Variants in FSTL5 observed in about 807,000 individuals in gnomAD.
FSTL5 encodes follistatin like 5.
FSTL5 carries 62 observed loss-of-function variants against 89.1 expected under a neutral mutation model. The ratio of observed to expected loss-of-function variants is 0.70; its 90% CI spans 0.57 to 0.86. FSTL5 has a LOEUF of 0.86. FSTL5 is among the 40% of genes least tolerant of loss of function. The probability of loss-of-function intolerance (pLI) is 0.00; values close to 1 mark genes in which losing one functional copy is unlikely to be tolerated. For synonymous variants in FSTL5, 383 were observed against 346.2 expected (o/e 1.11, Z -1.18); for missense variants, 1,057 against 1,001.6 (o/e 1.06, Z -0.75).
At chr4:161,572,317 CTA>C (rs1491473577) in intron 8 of FSTL5, among the ~76,000 whole-genome samples, 151 of 54,238 alleles carry the variant, frequency 2.8e-3, no homozygotes, top group Admixed American at 4.6e-3. Flanking sequence ...GAGACTCCGT[CTA>C]AAAAAAAAAA....
At chr4:161,498,081 TATATAC>T (rs113569112) in intron 12 of FSTL5, among the ~76,000 whole-genome samples, 2,562 of 151,836 alleles carry the variant, frequency 0.017, 65 homozygotes, top group African/African-American at 0.058. Context: ...TATGTATGTA[TATATAC>T]ATATACATAT....
intron 4 of FSTL5, among the ~76,000 whole-genome samples, chr4:161,783,931 A>AATT (rs551211944): frequency 0.022 from 3,212 of 147,238 alleles, 63 homozygotes; most frequent in Non-Finnish European, 0.032. Flanking sequence ...ATGCCTGGCT[A>AATT]ATTATTATTA....
At chr4:161,431,265 T>C (rs1732356825) in intron 15 of FSTL5, among the ~76,000 whole-genome samples, 1 of 151,944 alleles carries the variant, frequency 6.6e-6, no homozygotes, top group Non-Finnish European at 1.5e-5. Context: ...CATAGTACAA[T>C]GAGATATAAA....
At chr4:161,980,794 A>G (rs1427008728) in intron 3 of FSTL5, among the ~76,000 whole-genome samples, 2 of 39,316 alleles carry the variant, frequency 5.1e-5, no homozygotes, top group African/African-American at 1.4e-4. Context: ...TTTTTTTTTT[A>G]GAGACAGAGT....
At chr4:161,728,881 G>A (rs1739509312) in intron 6 of FSTL5, among the ~76,000 whole-genome samples, 1 of 152,134 alleles carries the variant, frequency 6.6e-6, no homozygotes, top group African/African-American at 2.4e-5. Flanking sequence ...GTGAGATGAT[G>A]AAAGATGCCG....
At chr4:161,616,870 A>C (rs1344249185) in intron 7 of FSTL5, among the ~76,000 whole-genome samples, 5 of 151,532 alleles carry the variant, frequency 3.3e-5, no homozygotes, top group Non-Finnish European at 7.4e-5. Context: ...ATTAAATAAA[A>C]TAAAAAAACA....
Position 161,782,444 on chromosome 4 carries a change from G to T in FSTL5, c.410-6370C>A, listed in dbSNP as rs186672447. On this transcript the variant is annotated intron_variant, in intron 4 of 15. Coordinates refer to ENST00000306100, the MANE Select transcript of FSTL5 (RefSeq NM_020116.5). The stretch of plus-strand genomic sequence containing the variant: ...TTGAGTTTTCATCAGTCTAATAATT[G>T]TGTAGTGGTAGTTCCTTCTGTTTTA... Among the ~76,000 whole-genome samples, 15 of 152,220 alleles carry T rather than the reference G, an allele frequency of 9.9e-5. No individual in the cohort carries two copies. In the East Asian group the frequency reaches 2.7e-3, roughly 27 times the overall value.
intron 4 of FSTL5, among the ~76,000 whole-genome samples, chr4:161,860,432 A>T (rs1285902431): frequency 6.6e-6 from 1 of 152,252 alleles, no homozygotes; most frequent in Admixed American, 6.5e-5. Context: ...CAACAAAAGC[A>T]TGGAAAGCTT....
At chr4:161,774,306 C>G (rs78289551) in intron 5 of FSTL5, among the ~76,000 whole-genome samples, 6,849 of 152,204 alleles carry the variant, frequency 0.045, 243 homozygotes, top group East Asian at 0.2. Flanking sequence ...CCTTCTCTCA[C>G]CCCCACTTCC....
chr4:162,009,665 C>A (rs776845806), intron 3 of FSTL5, among the ~76,000 whole-genome samples: 48 of 151,804 alleles, frequency 3.2e-4, no homozygotes, highest in Admixed American at 3.9e-4. Flanking sequence ...AGACTCGAAG[C>A]TAATAGGTGG....
In FSTL5 at chr4:161,475,027, CT is replaced by C. The variant is rs58684881; in HGVS notation, c.1608+5992del. The stretch of plus-strand genomic sequence containing the variant: ...TGTGGGATATAGGATCCTTGATTGG[CT>C]TTTTTTTTTTTTTTTGTCTTGTAGT... On this transcript the variant is annotated intron_variant, in intron 13 of 15. Transcript: ENST00000306100. Among the ~76,000 whole-genome samples the C allele has an allele frequency of 8.9e-3, 1,154 of 129,404 alleles. 4 individuals are homozygous for C. The highest frequency in any genetic ancestry group is 0.017 in the African/African-American group (600 of 35,306). 84.9% of individuals were successfully genotyped at this position (129,404 alleles called of 152,430 possible). A position where few individuals can be genotyped will look rare whatever the true frequency, so the allele number is the denominator to read the frequency against.
At chr4:162,146,795 G>T (rs1051669169) in intron 1 of FSTL5, among the ~76,000 whole-genome samples, 11 of 125,434 alleles carry the variant, frequency 8.8e-5, no homozygotes, top group Middle Eastern at 4.5e-3. Context: ...TTTTCTTTTT[G>T]TGTGTGTGTG....
chr4:161,465,427 A>G (rs1733717860), intron 13 of FSTL5, among the ~76,000 whole-genome samples: 1 of 152,152 alleles, frequency 6.6e-6, no homozygotes, highest in African/African-American at 2.4e-5. Flanking sequence ...AAATTAACCT[A>G]TATAATGCTC....
intron 15 of FSTL5, among the ~76,000 whole-genome samples, chr4:161,414,018 A>C (rs1432024256): frequency 6.6e-6 from 1 of 152,188 alleles, no homozygotes; most frequent in Non-Finnish European, 1.5e-5. Context: ...GTGTCACTCC[A>C]TATTCCCAAG....
At position 161,501,751 on chromosome 4, in the gene FSTL5, G is replaced by C. The variant is rs533645043; in HGVS notation, c.1340-1617C>G. Among the ~76,000 whole-genome samples, 7 of 152,016 alleles carry C rather than the reference G, an allele frequency of 4.6e-5. No individual in the cohort carries two copies. In the South Asian group the frequency reaches 1.5e-3, roughly 32 times the overall value. Reference sequence around the variant, plus strand: ...CACGTTTTATATAAAATAAAATTTAGTAGTTGTCAGCTATTATTTATAATC... The same window carrying C: ...CACGTTTTATATAAAATAAAATTTACTAGTTGTCAGCTATTATTTATAATC... On this transcript the variant is annotated intron_variant, in intron 11 of 15. Transcript: ENST00000306100.
chr4:161,982,410 T>C (rs756375520), intron 3 of FSTL5, among the ~76,000 whole-genome samples: 2 of 152,238 alleles, frequency 1.3e-5, no homozygotes, highest in African/African-American at 4.8e-5. Context: ...GAAAATAGAA[T>C]GGTTCTCTAT....
intron 1 of FSTL5, among the ~76,000 whole-genome samples, chr4:162,122,497 C>T (rs1221634714): frequency 6.6e-6 from 1 of 152,008 alleles, no homozygotes; most frequent in Admixed American, 6.6e-5. Context: ...CCTTTTCTCA[C>T]CTGCTCTCTT....
At chr4:161,669,680 A>G (rs559506769) in intron 6 of FSTL5, among the ~76,000 whole-genome samples, 61 of 152,348 alleles carry the variant, frequency 4.0e-4, no homozygotes, top group African/African-American at 1.4e-3. Context: ...ACAAAAAACT[A>G]TAAAAATCCT....
At chr4:161,542,425 G>A (rs1731852271) in intron 9 of FSTL5, 107 bp downstream of exon 9, 1 of 601,148 alleles carries the variant, frequency 1.7e-6, no homozygotes, top group Non-Finnish European at 2.6e-6. Context: ...GTGACATTCT[G>A]TTGCCACCAA....
Sources: gnomAD v4.1 joint callset for allele counts (sites outside exome capture counted in the v4.1 genomes callset) on GRCh38, gnomAD v4.1.1 for gene constraint, MANE v1.5 for transcripts, NCBI Gene and HGNC (gene_info 2026-07-23, HGNC 2026-07-21) for gene names.